TMEM123: variants seen among roughly 807,000 people sequenced by gnomAD.
The protein encoded by TMEM123 is porimin.
A neutral mutation model predicts 19.7 loss-of-function variants in TMEM123; 16 were observed. That is an observed-to-expected ratio of 0.81 (90% CI 0.55 to 1.23). The LOEUF (loss-of-function observed/expected upper bound fraction) is 1.23, where lower values mean the gene tolerates loss of function less well. Ranked by LOEUF, TMEM123 falls within the 50% of genes most tolerant of loss-of-function variation. The pLI is 0.00. For missense variants in TMEM123, 313 were observed against 257.8 expected, an observed-to-expected ratio of 1.21 and a Z score of -1.47; for synonymous variants, 118 against 99.4, an observed-to-expected ratio of 1.19 and a Z score of -1.12.
At chr11:102,448,298 G>GT (rs1411022660) in intron 2 of TMEM123, 1 of 456,174 alleles carries the variant, frequency 2.2e-6, no homozygotes, top group Non-Finnish European at 4.4e-6. Context: ...CCATGTTAGT[G>GT]AACTCAGAGG....
chr11:102,422,355 TC>T (rs1233092487), intron 2 of TMEM123, among the ~76,000 whole-genome samples: 6 of 152,154 alleles, frequency 3.9e-5, no homozygotes, highest in African/African-American at 1.4e-4. Context: ...ACGCCTGTAA[TC>T]CCAGTTACTC....
chr11:102,443,794 C>G (rs995030356), intron 2 of TMEM123, among the ~76,000 whole-genome samples: 1 of 152,076 alleles, frequency 6.6e-6, no homozygotes, highest in African/African-American at 2.4e-5. Flanking sequence ...TTACAATCTA[C>G]CCATCTGACA....
chr11:102,428,013 G>C (rs770180561), intron 2 of TMEM123, among the ~76,000 whole-genome samples: 6 of 151,896 alleles, frequency 4.0e-5, no homozygotes, highest in Non-Finnish European at 5.9e-5. Context: ...ATATAAACTT[G>C]CTGGAAGGAA....
At chr11:102,447,195 G>A (rs893834451) in intron 2 of TMEM123, among the ~76,000 whole-genome samples, 6 of 152,140 alleles carry the variant, frequency 3.9e-5, no homozygotes, top group Non-Finnish European at 1.5e-5. Context: ...TGCTAGAAGG[G>A]GCATTTGAAA....
intron 2 of TMEM123, among the ~76,000 whole-genome samples, chr11:102,414,394 T>C (rs894316232): frequency 2.0e-5 from 3 of 152,152 alleles, no homozygotes; most frequent in Non-Finnish European, 4.4e-5. Flanking sequence ...CCAAGACATA[T>C]AGTCATCAGA....
intron 2 of TMEM123, among the ~76,000 whole-genome samples, chr11:102,435,382 C>T (rs1286037957): frequency 2.6e-5 from 4 of 151,772 alleles, no homozygotes; most frequent in Non-Finnish European, 5.9e-5. Context: ...AAATGCAAAT[C>T]AAAAACACAT....
chr11:102,445,567 T>A (rs984799896), intron 2 of TMEM123, among the ~76,000 whole-genome samples: 1 of 152,342 alleles, frequency 6.6e-6, no homozygotes, highest in South Asian at 2.1e-4. Context: ...TAGTGTGACA[T>A]ACAGGATTAT....
rs539739989 is a variant in TMEM123 at position 102,437,979 on chromosome 11, C to A, written c.157+10833G>T. Among the ~76,000 whole-genome samples, 4 of 152,284 alleles carry A rather than the reference C, an allele frequency of 2.6e-5. No homozygotes were observed. The South Asian group carries it at 8.3e-4, about 32-fold the overall frequency. On this transcript the variant is annotated intron_variant, in intron 2 of 4. Coordinates refer to ENST00000398136, the MANE Select transcript of TMEM123 (RefSeq NM_052932.3). ...AGGGCTTCCCTGACCAACCAATCTACAGCCCTTCCTAGTCACTTTTTTCCA... is the reference window on the plus strand; with the variant it reads ...AGGGCTTCCCTGACCAACCAATCTAAAGCCCTTCCTAGTCACTTTTTTCCA...
intron 2 of TMEM123, among the ~76,000 whole-genome samples, chr11:102,430,759 G>C (rs1565353282): frequency 6.6e-6 from 1 of 152,224 alleles, no homozygotes; most frequent in Non-Finnish European, 1.5e-5. Context: ...TACTCTCTTA[G>C]CCGCATGAGA....
intron 2 of TMEM123, among the ~76,000 whole-genome samples, chr11:102,436,250 C>T (rs777914864): frequency 2.0e-5 from 3 of 151,996 alleles, no homozygotes; most frequent in Non-Finnish European, 4.4e-5. Context: ...GCAGCTTACA[C>T]CTCCCAGGTT....
chr11:102,446,216 C>T (rs1857882022), intron 2 of TMEM123, among the ~76,000 whole-genome samples: 1 of 152,216 alleles, frequency 6.6e-6, no homozygotes, highest in Admixed American at 6.5e-5. Flanking sequence ...CTTCCTTGCA[C>T]TATAAAGTGT....
At chr11:102,427,113 C>A (rs1470861166) in intron 2 of TMEM123, among the ~76,000 whole-genome samples, 4 of 149,526 alleles carry the variant, frequency 2.7e-5, no homozygotes, top group Non-Finnish European at 5.9e-5. Context: ...TAGTCTGTGG[C>A]TGGAACACAC....
intron 2 of TMEM123, among the ~76,000 whole-genome samples, chr11:102,434,288 T>C (rs1196605513): frequency 2.0e-5 from 3 of 151,900 alleles, no homozygotes; most frequent in African/African-American, 4.8e-5. Context: ...GCCATTCTCA[T>C]AGGTGTGAGA....
At chr11:102,422,996 A>G (rs2135853141) in intron 2 of TMEM123, among the ~76,000 whole-genome samples, 1 of 152,330 alleles carries the variant, frequency 6.6e-6, no homozygotes, top group East Asian at 1.9e-4. Context: ...TCAGGCCCTC[A>G]GAACCCAACA....
intron 2 of TMEM123, among the ~76,000 whole-genome samples, chr11:102,439,937 G>A (rs1336748922): frequency 6.6e-6 from 1 of 152,220 alleles, no homozygotes; most frequent in Non-Finnish European, 1.5e-5. Flanking sequence ...TCAACTAGAA[G>A]AAAGTGTATC....
chr11:102,401,946 A>C lies in TMEM123; in HGVS notation c.418T>G (p.Ser140Ala), dbSNP rs745311918. 3.2e-5 allele frequency: 52 copies of C among 1,614,162 alleles called. No homozygotes were observed. Among genetic ancestry groups the C allele is most frequent in the Non-Finnish European group, 3.3e-5 (39 of 1,180,004 alleles). ...ACTGATGAAGCAGCAGATGTCACTG[A>C]ACTATTGTGGGTTACGGTCATTGTG... ...TSTMTVTHNS[S>A]VTSAASSVTI... The change falls in exon 3 of 5, where the codon TCA (serine) becomes GCA (alanine). Residue 140 changes from serine (S) to alanine (A), a missense_variant. Ser to Ala is a moderately conservative substitution (Grantham distance 99). Transcript: ENST00000398136.
At chr11:102,404,493 A>G (rs1951938225) in intron 2 of TMEM123, among the ~76,000 whole-genome samples, 1 of 151,770 alleles carries the variant, frequency 6.6e-6, no homozygotes, top group African/African-American at 2.4e-5. Flanking sequence ...CATGTTGGCC[A>G]GGCTCGTTTC....
intron 2 of TMEM123, among the ~76,000 whole-genome samples, chr11:102,416,076 A>G (rs1457600229): frequency 1.3e-5 from 2 of 152,000 alleles, no homozygotes; most frequent in Non-Finnish European, 2.9e-5. Context: ...CACCACACCC[A>G]GCTAATTTTT....
Position 102,452,643 on chromosome 11 carries a change from G to T in TMEM123, c.-20C>A. On this transcript the variant is annotated 5_prime_UTR_variant, in exon 1 of 5. Transcript: ENST00000398136. ...TCCCATTGTTCCGAGGGCAGGATGC[G>T]GCAGCCTCGTGGGCTCCCAGCCGAG... 2 of 1,484,484 alleles carry T rather than the reference G, an allele frequency of 1.3e-6. No homozygotes were observed. The highest frequency in any genetic ancestry group is 1.8e-6 in the Non-Finnish European group (2 of 1,113,860). 92.0% of individuals were successfully genotyped at this position (1,484,484 alleles called of 1,614,324 possible).
Sources: allele counts gnomAD v4.1 joint callset (sites outside exome capture counted in the v4.1 genomes callset), GRCh38; gene constraint gnomAD v4.1.1; transcripts MANE v1.5; gene names NCBI Gene and HGNC (gene_info 2026-07-23, HGNC 2026-07-21).